Variants in MPV17L observed in about 807,000 individuals in gnomAD.
The protein encoded by MPV17L is mpv17-like protein.
A neutral mutation model predicts 25.8 loss-of-function variants in MPV17L; 24 were observed. That is an observed-to-expected ratio of 0.93 (90% confidence interval 0.67 to 1.31). The LOEUF is 1.31. Among genes scored for constraint, MPV17L ranks in the 50% most tolerant of loss-of-function variants. The probability of loss-of-function intolerance (pLI) is 0.00; values close to 1 mark genes in which losing one functional copy is unlikely to be tolerated. For synonymous variants in MPV17L, 102 were observed against 115.3 expected (o/e 0.88, Z 0.74); for missense variants, 250 against 265.6 (o/e 0.94, Z 0.41).
At chr16:15,406,627 T>C (rs954964048) in intron 2 of MPV17L, among the ~76,000 whole-genome samples, 2 of 152,154 alleles carry the variant, frequency 1.3e-5, no homozygotes, top group Non-Finnish European at 2.9e-5. Context: ...GTTTGGTATA[T>C]AGTTTCAACA....
intron 2 of MPV17L, among the ~76,000 whole-genome samples, chr16:15,405,974 A>C (rs1036252689): frequency 6.6e-6 from 1 of 151,926 alleles, no homozygotes; most frequent in African/African-American, 2.4e-5. Flanking sequence ...AGATCACCTG[A>C]GGTCAGGAGT....
rs1275919849 is a variant in MPV17L at position 15,411,675 on chromosome 16, T to TGGGAGGCC, written c.*3566_*3567insAGGCCGGG. 6.6e-6 allele frequency: 1 copy of TGGGAGGCC among 152,110 alleles called. No homozygotes were observed. Among genetic ancestry groups the TGGGAGGCC allele is most frequent in the African/African-American group, 2.4e-5 (1 of 41,398 alleles). 9.4% of individuals were successfully genotyped at this position (152,110 alleles called of 1,614,324 possible). A position where few individuals can be genotyped will look rare whatever the true frequency, so the allele number is the denominator to read the frequency against. The stretch of plus-strand genomic sequence containing the variant: ...TAAATAATAACAATTATAAGAAGGC[T>TGGGAGGCC]GGGCGCGGTGGCTCATGCTTGTAAT... On this transcript the variant is annotated 3_prime_UTR_variant, in exon 4 of 4. Transcript: ENST00000396385.
intron 1 of MPV17L, among the ~76,000 whole-genome samples, chr16:15,399,929 C>T (rs1383692423): frequency 6.6e-6 from 1 of 151,990 alleles, no homozygotes; most frequent in Non-Finnish European, 1.5e-5. Flanking sequence ...CTCAGCCTCT[C>T]AAGAACCTGG....
rs1001875131 is a variant in MPV17L at position 15,412,722 on chromosome 16, G to C, written c.*4610G>C. The C allele has an allele frequency of 6.8e-6, 1 of 147,772 alleles. No individual in the cohort carries two copies. The highest frequency in any genetic ancestry group is 2.2e-4 in the South Asian group (1 of 4,580). 9.2% of individuals were successfully genotyped at this position (147,772 alleles called of 1,614,324 possible). A position where few individuals can be genotyped will look rare whatever the true frequency, so the allele number is the denominator to read the frequency against. ...CAAGTAGCAGGGACTAAAGGCGCCCGCCACCATGACCCACTAATTTTTTTT... is the reference window on the plus strand; with the variant it reads ...CAAGTAGCAGGGACTAAAGGCGCCCCCCACCATGACCCACTAATTTTTTTT... On this transcript the variant is annotated 3_prime_UTR_variant, in exon 4 of 4. Transcript: ENST00000396385.
At position 15,400,779 on chromosome 16, in the gene MPV17L, G is replaced by A. The variant is rs1266405965; in HGVS notation, c.311-8G>A. 1.3e-6 allele frequency: 2 copies of A among 1,584,662 alleles called. No homozygotes were observed. Among genetic ancestry groups the A allele is most frequent in the Middle Eastern group, 2.0e-4 (1 of 5,082 alleles). Reference sequence around the variant, plus strand: ...TCTTTTAAAATTTTTTTTGGGTTTTGCAAATAGGTATGAGCATTCTCCAAG... The same window carrying A: ...TCTTTTAAAATTTTTTTTGGGTTTTACAAATAGGTATGAGCATTCTCCAAG... On this transcript the variant is annotated splice_region_variant and splice_polypyrimidine_tract_variant and intron_variant, in intron 1 of 3. Coordinates refer to ENST00000396385, the MANE Select transcript of MPV17L (RefSeq NM_001128423.2).
intron 2 of MPV17L, among the ~76,000 whole-genome samples, chr16:15,403,291 C>T (rs1277504156): frequency 6.6e-6 from 1 of 150,878 alleles, no homozygotes; most frequent in East Asian, 2.0e-4. Flanking sequence ...ATCACTTGAA[C>T]CCGGGAGGCA....
chr16:15,395,950 C>T lies in MPV17L; in HGVS notation c.53C>T (p.Pro18Leu). 1 of 1,495,488 alleles carries T rather than the reference C, an allele frequency of 6.7e-7. No homozygotes were observed. The highest frequency in any genetic ancestry group is 1.3e-5 in the South Asian group (1 of 79,032). 92.6% of individuals were successfully genotyped at this position (1,495,488 alleles called of 1,614,324 possible). The change falls in exon 1 of 4, where the codon CCC becomes CTC. Residue 18 changes from proline (P) to leucine (L), a missense_variant. Pro to Leu is a moderately conservative substitution (Grantham distance 98). Coordinates refer to ENST00000396385, the MANE Select transcript of MPV17L (RefSeq NM_001128423.2). ...CGCGCGGCCCGGCGCCACCCGTGGC[C>T]CACCAACGTGCTGCTTTACGGCTCG... ...LSRAARRHPW[P>L]TNVLLYGSLV... is the part of the protein sequence containing the mutation.
rs2050699661 is a variant in MPV17L at position 15,408,184 on chromosome 16, T to G, written c.*72T>G. The stretch of plus-strand genomic sequence containing the variant: ...CACAGAATTGCCTGCAGACAAAATA[T>G]TTGATGTGCCAATTATGCACTTCAT... On this transcript the variant is annotated 3_prime_UTR_variant, in exon 4 of 4. Coordinates refer to ENST00000396385, the MANE Select transcript of MPV17L (RefSeq NM_001128423.2). 2 of 1,197,892 alleles carry G rather than the reference T, an allele frequency of 1.7e-6. No individual in the cohort carries two copies. The highest frequency in any genetic ancestry group is 2.3e-6 in the Non-Finnish European group (2 of 851,896). 74.2% of individuals were successfully genotyped at this position (1,197,892 alleles called of 1,614,324 possible).
At chr16:15,400,938 T>G in intron 2 of MPV17L, 81 bp downstream of exon 2, 1 of 896,584 alleles carries the variant, frequency 1.1e-6, no homozygotes, top group Non-Finnish European at 1.5e-6. Flanking sequence ...ATATGTTTTG[T>G]GTTTATATTT....
chr16:15,401,080 ATATATATTTTTTT>A (rs1319048457), intron 2 of MPV17L, among the ~76,000 whole-genome samples: 6 of 33,106 alleles, frequency 1.8e-4, no homozygotes, highest in African/African-American at 3.1e-4. Context: ...ATATATATAT[ATATATATTTTTTT>A]TTTTTTTTTT....
At chr16:15,397,307 A>G (rs901494376) in intron 1 of MPV17L, among the ~76,000 whole-genome samples, 1 of 152,166 alleles carries the variant, frequency 6.6e-6, no homozygotes, top group Non-Finnish European at 1.5e-5. Context: ...AGACTTTAGC[A>G]TGGTAATGAG....
At position 15,395,766 on chromosome 16, in the gene MPV17L, G is replaced by C; in HGVS notation, c.-132G>C. On this transcript the variant is annotated 5_prime_UTR_variant, in exon 1 of 4. Transcript: ENST00000396385. ...GTGTGGGTCGCTCAATCGCTCCGGA[G>C]CTTCTGGAGGGGGCAGATGCAGGTG... 1 of 858,184 alleles carries C rather than the reference G, an allele frequency of 1.2e-6. No homozygotes were observed. The highest frequency in any genetic ancestry group is 1.6e-6 in the Non-Finnish European group (1 of 615,306). The allele number at this position is 858,184 out of a possible 1,614,324, so 53.2% of individuals were successfully genotyped here.
At chr16:15,406,904 C>T (rs1352415665) in intron 2 of MPV17L, among the ~76,000 whole-genome samples, 4 of 151,928 alleles carry the variant, frequency 2.6e-5, no homozygotes, top group African/African-American at 2.4e-5. Context: ...CCAGACTAAG[C>T]GACAGAATGA....
At chr16:15,397,046 G>T (rs1479530912) in intron 1 of MPV17L, among the ~76,000 whole-genome samples, 1 of 152,090 alleles carries the variant, frequency 6.6e-6, no homozygotes, top group African/African-American at 2.4e-5. Context: ...GAGTCACAAA[G>T]GACTCCACCA....
rs769310486 is a variant in MPV17L, at chr16:15,396,007, G to T, written c.110G>T (p.Arg37Leu). ...LVSAGDALQQ[R>L]LQGREANWRQ... ...TCGGCCGGGGACGCGCTGCAACAGC[G>T]GCTGCAGGGCCGCGAGGCCAACTGG... Residue 37 changes from arginine to leucine, a missense_variant, in exon 1 of 4, where the codon CGG becomes CTG. Coordinates refer to ENST00000396385, the MANE Select transcript of MPV17L (RefSeq NM_001128423.2). The T allele has an allele frequency of 2.0e-6, 3 of 1,521,410 alleles. No homozygotes were observed. Among genetic ancestry groups the T allele is most frequent in the Non-Finnish European group, 8.8e-7 (1 of 1,140,766 alleles). 94.2% of individuals were successfully genotyped at this position (1,521,410 alleles called of 1,614,324 possible).
At position 15,410,680 on chromosome 16, in the gene MPV17L, A is replaced by G. The variant is rs1476613575; in HGVS notation, c.*2568A>G. Reference sequence around the variant, plus strand: ...AATTTATCCTGAGAATGTATATTTAAGCTTAATTTAAGACTATATACCTAA... The same window carrying G: ...AATTTATCCTGAGAATGTATATTTAGGCTTAATTTAAGACTATATACCTAA... On this transcript the variant is annotated 3_prime_UTR_variant, in exon 4 of 4. Coordinates refer to ENST00000396385, the MANE Select transcript of MPV17L (RefSeq NM_001128423.2). The G allele has an allele frequency of 1.3e-5, 2 of 152,224 alleles. No individual in the cohort carries two copies. The highest frequency in any genetic ancestry group is 2.9e-5 in the Non-Finnish European group (2 of 68,030). 9.4% of individuals were successfully genotyped at this position (152,224 alleles called of 1,614,324 possible).
At chr16:15,406,183 C>T (rs2050678756) in intron 2 of MPV17L, among the ~76,000 whole-genome samples, 1 of 151,046 alleles carries the variant, frequency 6.6e-6, no homozygotes, top group Non-Finnish European at 1.5e-5. Flanking sequence ...AGCAAAACTC[C>T]ATCTCAAAAA....
Position 15,396,108 on chromosome 16 carries a change from G to C in MPV17L, c.211G>C (p.Glu71Gln). 4 of 1,545,612 alleles carry C rather than the reference G, an allele frequency of 2.6e-6. No homozygotes were observed. Among genetic ancestry groups the C allele is most frequent in the Non-Finnish European group, 2.6e-6 (3 of 1,146,858 alleles). The change falls in exon 1 of 4, where the codon GAG (glutamate) becomes CAG (glutamine). Residue 71 changes from glutamate to glutamine, a missense_variant. Coordinates refer to ENST00000396385, the MANE Select transcript of MPV17L (RefSeq NM_001128423.2). The stretch of plus-strand genomic sequence containing the variant: ...CAACTACGTGTGGCTGCGCCTGCTG[G>C]AGCGCGCGCTCCCGGGCCGAGCGCC... ...NFNYVWLRLLERALPGRAPHA... is the reference protein window; with the variant it reads ...NFNYVWLRLLQRALPGRAPHA...
intron 2 of MPV17L, among the ~76,000 whole-genome samples, chr16:15,403,942 C>T (rs552871744): frequency 2.4e-4 from 36 of 151,286 alleles, no homozygotes; most frequent in African/African-American, 8.5e-4. Flanking sequence ...CCAAGGCAGG[C>T]GGATCATGAG....
Sources: allele counts gnomAD v4.1 joint callset (sites outside exome capture counted in the v4.1 genomes callset), GRCh38; gene constraint gnomAD v4.1.1; transcripts MANE v1.5; gene names NCBI Gene and HGNC (gene_info 2026-07-23, HGNC 2026-07-21).